Variants in DOCK8 observed in about 807,000 individuals in gnomAD.
DOCK8 encodes the protein dedicator of cytokinesis protein 8.
DOCK8 carries 141 observed loss-of-function variants against 245.6 expected under a neutral mutation model. The ratio of observed to expected loss-of-function variants is 0.57; its 90% CI spans 0.50 to 0.66. The LOEUF (loss-of-function observed/expected upper bound fraction) is 0.66, where lower values mean the gene tolerates loss of function less well. DOCK8 is among the 30% of genes least tolerant of loss of function. The pLI, the probability that DOCK8 is intolerant of heterozygous loss-of-function variation, is 0.00. For missense variants in DOCK8, 2,965 were observed against 2,603.4 expected (o/e 1.14, Z -3.02); for synonymous variants, 1,168 against 970.2 (o/e 1.20, Z -3.79).
chr9:319,702 T>A (rs900734654), intron 7 of DOCK8, among the ~76,000 whole-genome samples: 2 of 152,146 alleles, frequency 1.3e-5, no homozygotes, highest in African/African-American at 2.4e-5. Flanking sequence ...TAACTGTCTC[T>A]GTATTGCTTT....
At chr9:212,244 T>C (rs1230753220), upstream of DOCK8, among the ~76,000 whole-genome samples, 1 of 152,138 alleles carries the variant, frequency 6.6e-6, no homozygotes, top group Non-Finnish European at 1.5e-5. Context: ...TAAGATGCAA[T>C]GTAGAGAAAG....
intron 46 of DOCK8, chr9:454,604 A>C (rs2057576503): frequency 6.6e-6 from 1 of 152,212 alleles, no homozygotes; most frequent in African/African-American, 2.4e-5. Context: ...TCTCATGAGC[A>C]TGCTAGGACA....
intron 13 of DOCK8, 105 bp downstream of exon 13, chr9:339,204 GA>G: frequency 1.0e-6 from 1 of 994,486 alleles, no homozygotes; most frequent in South Asian, 1.4e-5. Flanking sequence ...TTTGCCAAGT[GA>G]AATGTGAGAT....
upstream of DOCK8, chr9:214,661 G>A (rs776273290): frequency 8.1e-6 from 13 of 1,600,974 alleles, 1 homozygote; most frequent in East Asian, 2.5e-4. Flanking sequence ...CCCTTCGGCC[G>A]GAGGTCGGCG....
intron 1 of DOCK8, among the ~76,000 whole-genome samples, chr9:256,388 G>C (rs1274706200): frequency 6.6e-6 from 1 of 152,182 alleles, no homozygotes; most frequent in Non-Finnish European, 1.5e-5. Flanking sequence ...CTCTGCTTCA[G>C]AACTTGATCC....
intron 5 of DOCK8, among the ~76,000 whole-genome samples, chr9:307,839 A>T (rs1439671618): frequency 6.6e-6 from 1 of 152,216 alleles, no homozygotes; most frequent in Non-Finnish European, 1.5e-5. Flanking sequence ...AGAAGAATGG[A>T]TAAAGAAAAT....
chr9:314,892 C>G (rs1298693310), intron 6 of DOCK8, among the ~76,000 whole-genome samples: 1 of 152,136 alleles, frequency 6.6e-6, no homozygotes, highest in African/African-American at 2.4e-5. Flanking sequence ...GCTGAGTCTA[C>G]AGGAGAAGCA....
At chr9:311,030 A>C (rs960976186) in intron 5 of DOCK8, among the ~76,000 whole-genome samples, 2 of 152,178 alleles carry the variant, frequency 1.3e-5, no homozygotes, top group Non-Finnish European at 2.9e-5. Context: ...TCACCCCTGT[A>C]ATCCTAGCAC....
intron 14 of DOCK8, among the ~76,000 whole-genome samples, chr9:344,906 A>G (rs2130963445): frequency 6.6e-6 from 1 of 152,100 alleles, no homozygotes; most frequent in South Asian, 2.1e-4. Flanking sequence ...ACAAAAAGTA[A>G]CTGGGCGTGG....
intron 1 of DOCK8, among the ~76,000 whole-genome samples, chr9:270,286 C>G (rs905907192): frequency 6.6e-6 from 1 of 152,214 alleles, no homozygotes; most frequent in Non-Finnish European, 1.5e-5. Context: ...AACGGGCCAC[C>G]ACTAGGATGA....
chr9:376,373 T>C (rs1290852967), intron 19 of DOCK8, 68 bp downstream of exon 19: 3 of 1,102,794 alleles, frequency 2.7e-6, no homozygotes, highest in Non-Finnish European at 4.2e-6. Context: ...GACAGGCCAA[T>C]AAAAGATCAG....
intron 1 of DOCK8, among the ~76,000 whole-genome samples, chr9:225,678 A>G (rs2046974350): frequency 6.6e-6 from 1 of 152,226 alleles, no homozygotes; most frequent in South Asian, 2.1e-4. Flanking sequence ...AAAAAAAGTA[A>G]TATACCAGTG....
rs754347470 is a variant in DOCK8 at position 340,185 on chromosome 9, G to T, written c.1543G>T (p.Ala515Ser). 2.5e-6 allele frequency: 4 copies of T among 1,614,098 alleles called. No individual in the cohort carries two copies. Among genetic ancestry groups the T allele is most frequent in the Non-Finnish European group, 2.5e-6 (3 of 1,179,996 alleles). ...PGLLRLEIST[A>S]PEIINCCLTP... ...CTTGCTAAGACTGGAGATTTCTACA[G>T]CTCCAGAGATCATCAATTGCTGTCT... The change falls in exon 14 of 48, where the codon GCT becomes TCT. Residue 515 changes from alanine to serine, a missense_variant. Coordinates refer to ENST00000432829, the MANE Select transcript of DOCK8 (RefSeq NM_203447.4).
At chr9:404,088 G>T (rs951937769) in intron 26 of DOCK8, among the ~76,000 whole-genome samples, 1 of 150,716 alleles carries the variant, frequency 6.6e-6, no homozygotes, top group African/African-American at 2.4e-5. Context: ...TCATATTTCT[G>T]TGCTGGGGTG....
At chr9:401,630 G>A (rs1239863072) in intron 26 of DOCK8, among the ~76,000 whole-genome samples, 1 of 152,076 alleles carries the variant, frequency 6.6e-6, no homozygotes, top group East Asian at 1.9e-4. Flanking sequence ...TAATGACTGG[G>A]CATGGTAAAA....
intron 2 of DOCK8, among the ~76,000 whole-genome samples, chr9:273,578 A>C (rs1299184088): frequency 6.6e-6 from 1 of 152,192 alleles, no homozygotes; most frequent in African/African-American, 2.4e-5. Flanking sequence ...TGAAGGCTGC[A>C]GCTTTCTGCA....
chr9:285,820 C>T (rs2048801252), intron 2 of DOCK8, among the ~76,000 whole-genome samples: 1 of 152,084 alleles, frequency 6.6e-6, no homozygotes, highest in African/African-American at 2.4e-5. Flanking sequence ...GCAGATTGCC[C>T]TGAGTTTCCT....
chr9:410,912 A>G (rs996325478), intron 28 of DOCK8, among the ~76,000 whole-genome samples: 3 of 152,224 alleles, frequency 2.0e-5, no homozygotes, highest in Non-Finnish European at 2.9e-5. Flanking sequence ...GAGACCTTAC[A>G]GAAATAAAAA....
chr9:386,808 C>A (rs1359643729), intron 23 of DOCK8, among the ~76,000 whole-genome samples: 1 of 152,162 alleles, frequency 6.6e-6, no homozygotes, highest in Non-Finnish European at 1.5e-5. Flanking sequence ...GCATTGGCCT[C>A]CTTTTAGTAG....
Sources: gnomAD v4.1 joint callset for allele counts (sites outside exome capture counted in the v4.1 genomes callset) on GRCh38, gnomAD v4.1.1 for gene constraint, MANE v1.5 for transcripts, NCBI Gene and HGNC (gene_info 2026-07-23, HGNC 2026-07-21) for gene names.